Variants in UCHL3 observed in about 807,000 individuals in gnomAD.
The protein encoded by UCHL3 is ubiquitin C-terminal hydrolase L3.
Under a neutral mutation model 35.8 loss-of-function variants are expected in UCHL3, and 22 were observed. That is an observed-to-expected ratio of 0.61 (90% confidence interval 0.44 to 0.88). The LOEUF (loss-of-function observed/expected upper bound fraction) is 0.88, where lower values mean the gene tolerates loss of function less well. Among genes scored for constraint, UCHL3 ranks in the 40% least tolerant of loss-of-function variants. The probability of loss-of-function intolerance (pLI) is 0.00; values close to 1 mark genes in which losing one functional copy is unlikely to be tolerated. For synonymous variants in UCHL3, 90 were observed against 92.8 expected (o/e 0.97, Z 0.17); for missense variants, 229 against 276.9 (o/e 0.83, Z 1.23).
At chr13:75,558,897 A>G (rs920506328) in intron 2 of UCHL3, among the ~76,000 whole-genome samples, 1 of 152,194 alleles carries the variant, frequency 6.6e-6, no homozygotes, top group African/African-American at 2.4e-5. Flanking sequence ...CTGAAAAAGC[A>G]TAGACTAGGA....
At chr13:75,602,066 G>A (rs558114107) in intron 7 of UCHL3, among the ~76,000 whole-genome samples, 24 of 151,982 alleles carry the variant, frequency 1.6e-4, no homozygotes, top group African/African-American at 4.3e-4. Flanking sequence ...CTGAGATTGT[G>A]CCACTGTACT....
chr13:75,589,797 A>G lies in UCHL3; in HGVS notation c.475-5118A>G. ...ACCTGCTTTTAACCAATATTCATACATGATCCTTTGCTAGATAGATTATGG... is the reference window on the plus strand; with the variant it reads ...ACCTGCTTTTAACCAATATTCATACGTGATCCTTTGCTAGATAGATTATGG... On this transcript the variant is annotated intron_variant, in intron 6 of 8. Coordinates refer to ENST00000377595, the MANE Select transcript of UCHL3 (RefSeq NM_006002.5). 9.3e-6 allele frequency: 6 copies of G among 641,728 alleles called. No individual in the cohort carries two copies. In the South Asian group the frequency reaches 1.3e-4, roughly 14 times the overall value. 39.8% of individuals were successfully genotyped at this position (641,728 alleles called of 1,614,324 possible).
Position 75,580,989 on chromosome 13 carries a change from G to A in UCHL3, c.474+11482G>A, listed in dbSNP as rs966438559. Among the ~76,000 whole-genome samples the A allele has an allele frequency of 2.0e-5, 3 of 152,292 alleles. No homozygotes were observed. In the South Asian group the frequency reaches 6.2e-4, roughly 32 times the overall value. On this transcript the variant is annotated intron_variant, in intron 6 of 8. Coordinates refer to ENST00000377595, the MANE Select transcript of UCHL3 (RefSeq NM_006002.5). ...AATAAGTTACAAATAGTCATTCAGA[G>A]TTGTGCCGAATACTTTGTTCTTTTT...
At chr13:75,574,656 A>T (rs1317060738) in intron 6 of UCHL3, among the ~76,000 whole-genome samples, 1 of 152,220 alleles carries the variant, frequency 6.6e-6, no homozygotes, top group Non-Finnish European at 1.5e-5. Flanking sequence ...CCTGGCATTT[A>T]ATGGGCATTC....
intron 5 of UCHL3, among the ~76,000 whole-genome samples, chr13:75,568,945 GT>G (rs200999755): frequency 6.6e-6 from 1 of 151,226 alleles, no homozygotes; most frequent in Non-Finnish European, 1.5e-5. Context: ...TATAAGAGTG[GT>G]TTTTTTTTAG....
chr13:75,580,982 A>G (rs1309830184), intron 6 of UCHL3, among the ~76,000 whole-genome samples: 2 of 152,246 alleles, frequency 1.3e-5, no homozygotes, highest in African/African-American at 4.8e-5. Context: ...ACAAATAGTC[A>G]TTCAGAGTTG....
At chr13:75,579,502 G>A (rs1470341004) in intron 6 of UCHL3, among the ~76,000 whole-genome samples, 2 of 151,824 alleles carry the variant, frequency 1.3e-5, no homozygotes, top group Non-Finnish European at 2.9e-5. Context: ...AACATTGCTT[G>A]AATAGAGGCC....
At chr13:75,563,552 T>A (rs1399557348) in intron 3 of UCHL3, among the ~76,000 whole-genome samples, 5 of 152,222 alleles carry the variant, frequency 3.3e-5, no homozygotes, top group African/African-American at 4.8e-5. Flanking sequence ...TGGGTTCATA[T>A]ACATAGTAAA....
rs150967301 is a variant in UCHL3, at chr13:75,586,381, A to G, written c.475-8534A>G. Among the ~76,000 whole-genome samples, 524 of 152,194 alleles carry G rather than the reference A, an allele frequency of 3.4e-3. 7 individuals carry two copies. The highest frequency in any genetic ancestry group is 0.012 in the African/African-American group (496 of 41,578). On this transcript the variant is annotated intron_variant, in intron 6 of 8. Coordinates refer to ENST00000377595, the MANE Select transcript of UCHL3 (RefSeq NM_006002.5). The stretch of plus-strand genomic sequence containing the variant: ...TTAGAGCCTCTAAATGTATGAGGCA[A>G]ACACTGTTAGAACTGAAAAGAGAAA...
intron 6 of UCHL3, among the ~76,000 whole-genome samples, chr13:75,585,767 T>C (rs2032305567): frequency 6.6e-6 from 1 of 152,108 alleles, no homozygotes; most frequent in Non-Finnish European, 1.5e-5. Context: ...GGGATAATAC[T>C]GTTGTGAGGT....
chr13:75,589,954 C>T, intron 6 of UCHL3: 1 of 1,304,336 alleles, frequency 7.7e-7, no homozygotes, highest in East Asian at 5.5e-5. Flanking sequence ...TCGCCATCCT[C>T]ATCACAGCCT....
intron 7 of UCHL3, among the ~76,000 whole-genome samples, chr13:75,601,849 C>T (rs963500051): frequency 4.6e-5 from 7 of 152,082 alleles, no homozygotes; most frequent in Non-Finnish European, 8.8e-5. Context: ...GTAGCTCACG[C>T]CTGTAATCCC....
At chr13:75,599,689 C>T (rs933502114) in intron 7 of UCHL3, among the ~76,000 whole-genome samples, 3 of 152,188 alleles carry the variant, frequency 2.0e-5, no homozygotes, top group African/African-American at 7.2e-5. Context: ...GTTCTGACTG[C>T]TCCATTAACC....
intron 5 of UCHL3, 79 bp from the exon 6 acceptor site, chr13:75,569,381 A>C: frequency 8.5e-7 from 1 of 1,171,574 alleles, no homozygotes. Context: ...TTTAGGTGTT[A>C]AAATTTAGCT....
At chr13:75,559,833 A>G (rs564254405) in intron 2 of UCHL3, among the ~76,000 whole-genome samples, 12 of 152,254 alleles carry the variant, frequency 7.9e-5, no homozygotes, top group Middle Eastern at 6.8e-3. Context: ...ATCATCTAAA[A>G]CTTATTTTGT....
chr13:75,602,106 C>T (rs1469778265), intron 7 of UCHL3, among the ~76,000 whole-genome samples: 1 of 108,818 alleles, frequency 9.2e-6, no homozygotes, highest in Non-Finnish European at 2.1e-5. Flanking sequence ...GAGACTCTGT[C>T]TCAAAAAAAA....
At chr13:75,592,927 C>T (rs2032551454) in intron 6 of UCHL3, among the ~76,000 whole-genome samples, 1 of 152,062 alleles carries the variant, frequency 6.6e-6, no homozygotes, top group Non-Finnish European at 1.5e-5. Context: ...TACTTTCATG[C>T]AGCTCATTTA....
intron 6 of UCHL3, chr13:75,590,132 A>G: frequency 7.7e-7 from 1 of 1,300,438 alleles, no homozygotes; most frequent in Non-Finnish European, 1.0e-6. Flanking sequence ...ATTCTGTTGT[A>G]AGTTTAGTCA....
At chr13:75,597,461 A>C (rs1378896877) in intron 7 of UCHL3, among the ~76,000 whole-genome samples, 1 of 152,236 alleles carries the variant, frequency 6.6e-6, no homozygotes. Context: ...TTGCATTGGT[A>C]GATTCAACCA....
Sources: gnomAD v4.1 joint callset for allele counts (sites outside exome capture counted in the v4.1 genomes callset) on GRCh38, gnomAD v4.1.1 for gene constraint, MANE v1.5 for transcripts, NCBI Gene and HGNC (gene_info 2026-07-23, HGNC 2026-07-21) for gene names.